Variants in SEMA5A observed in about 807,000 individuals in gnomAD.
SEMA5A encodes semaphorin-5A.
A neutral mutation model predicts 135.5 loss-of-function variants in SEMA5A; 55 were observed. The observed-to-expected ratio is 0.41, with a 90% CI of 0.33 to 0.51. The LOEUF (loss-of-function observed/expected upper bound fraction) is 0.51, where lower values mean the gene tolerates loss of function less well. SEMA5A is among the 20% of genes least tolerant of loss of function. The probability of loss-of-function intolerance (pLI) is 0.37; values close to 1 mark genes in which losing one functional copy is unlikely to be tolerated. For missense variants in SEMA5A, 1,290 were observed against 1,419.9 expected (o/e 0.91, Z 1.47); for synonymous variants, 580 against 546.5 (o/e 1.06, Z -0.85).
intron 15 of SEMA5A, 71 bp downstream of exon 15, chr5:9,118,927 G>A (rs1195780871): frequency 7.0e-6 from 11 of 1,561,336 alleles, no homozygotes; most frequent in South Asian, 1.2e-5. Flanking sequence ...CTAAAACCGC[G>A]GGGAACTCGA....
At chr5:9,070,214 T>C (rs1431435711) in intron 16 of SEMA5A, among the ~76,000 whole-genome samples, 1 of 152,000 alleles carries the variant, frequency 6.6e-6, no homozygotes, top group African/African-American at 2.4e-5. Flanking sequence ...CTACTAAAAA[T>C]ACAAAAATTA....
chr5:9,120,445 TA>T (rs1230046179), intron 14 of SEMA5A, among the ~76,000 whole-genome samples: 1 of 152,090 alleles, frequency 6.6e-6, no homozygotes, highest in Non-Finnish European at 1.5e-5. Context: ...AATGATTTAA[TA>T]AAATATGTAG....
At chr5:9,167,573 G>T (rs565799498) in intron 11 of SEMA5A, among the ~76,000 whole-genome samples, 1 of 152,188 alleles carries the variant, frequency 6.6e-6, no homozygotes, top group African/African-American at 2.4e-5. Flanking sequence ...TGCATGCTTT[G>T]CATATTCTGT....
chr5:9,130,227 T>G, intron 13 of SEMA5A, among the ~76,000 whole-genome samples: 1 of 152,330 alleles, frequency 6.6e-6, no homozygotes, highest in South Asian at 2.1e-4. Context: ...CATCTTTAGA[T>G]TCTTACTATA....
At chr5:9,076,868 T>G (rs1420269070) in intron 16 of SEMA5A, among the ~76,000 whole-genome samples, 3 of 144,006 alleles carry the variant, frequency 2.1e-5, no homozygotes, top group African/African-American at 5.1e-5. Context: ...ATTACGATCT[T>G]TGTGTGTGTG....
intron 5 of SEMA5A, among the ~76,000 whole-genome samples, chr5:9,286,945 A>G (rs181466007): frequency 6.6e-6 from 1 of 152,166 alleles, no homozygotes; most frequent in African/African-American, 2.4e-5. Context: ...CTTTGAACAC[A>G]TTTCCTTTTT....
chr5:9,251,787 A>G (rs112243580), intron 5 of SEMA5A, among the ~76,000 whole-genome samples: 125 of 152,350 alleles, frequency 8.2e-4, no homozygotes, highest in African/African-American at 2.7e-3. Context: ...GAGCACATCC[A>G]TGCTCAAGAG....
rs145598030 is a variant in SEMA5A at position 9,078,586 on chromosome 5, T to TACACACAC, written c.2074-11948_2074-11941dup. ...GACCAGAAAATTTCAGCTGGGTATGTACACACACACACACACACACACACA... is the reference window on the plus strand; with the variant it reads ...GACCAGAAAATTTCAGCTGGGTATGTACACACACACACACACACACACACACACACACA... On this transcript the variant is annotated intron_variant, in intron 16 of 22. Transcript: ENST00000382496. Among the ~76,000 whole-genome samples the TACACACAC allele has an allele frequency of 9.6e-5, 14 of 146,546 alleles. No homozygotes were observed. The East Asian group carries it at 2.8e-3, about 29-fold the overall frequency.
At chr5:9,111,809 T>C (rs1489620516) in intron 15 of SEMA5A, among the ~76,000 whole-genome samples, 2 of 152,138 alleles carry the variant, frequency 1.3e-5, no homozygotes. Flanking sequence ...TCCTACACAA[T>C]TGTGAGAAAG....
At chr5:9,352,833 T>C (rs1754188480) in intron 3 of SEMA5A, among the ~76,000 whole-genome samples, 1 of 152,150 alleles carries the variant, frequency 6.6e-6, no homozygotes, top group South Asian at 2.1e-4. Context: ...ATATGTTCTA[T>C]GGCTGGATTT....
At chr5:9,467,897 T>C (rs1015647620) in intron 1 of SEMA5A, among the ~76,000 whole-genome samples, 1 of 152,202 alleles carries the variant, frequency 6.6e-6, no homozygotes, top group Non-Finnish European at 1.5e-5. Context: ...ATAACACCAT[T>C]CGGGGCACTA....
chr5:9,210,203 A>G (rs1342285945), intron 8 of SEMA5A, among the ~76,000 whole-genome samples: 1 of 152,194 alleles, frequency 6.6e-6, no homozygotes, highest in Non-Finnish European at 1.5e-5. Flanking sequence ...ATTAAAATCT[A>G]AAGGTAGTAA....
At chr5:9,122,154 G>A (rs544405895) in intron 14 of SEMA5A, among the ~76,000 whole-genome samples, 4 of 152,068 alleles carry the variant, frequency 2.6e-5, no homozygotes, top group Non-Finnish European at 4.4e-5. Flanking sequence ...CACAGTAAGC[G>A]GAAGCAACAG....
rs113701432 is a variant in SEMA5A, at chr5:9,151,415, G to C, written c.1481+3073C>G. On this transcript the variant is annotated intron_variant, in intron 12 of 22. Transcript: ENST00000382496. The stretch of plus-strand genomic sequence containing the variant: ...CTATGATGGAAAGTATATTGGCAAA[G>C]AAATTAGTATCCAATCGTTACCCAA... Among the ~76,000 whole-genome samples, 36 of 152,316 alleles carry C rather than the reference G, an allele frequency of 2.4e-4. 1 individual carries two copies. The highest frequency in any genetic ancestry group is 8.7e-4 in the African/African-American group (36 of 41,578).
intron 1 of SEMA5A, chr5:9,516,433 C>T (rs1238535804): frequency 6.6e-6 from 1 of 152,262 alleles, no homozygotes; most frequent in African/African-American, 2.4e-5. Flanking sequence ...TCTTATTTAC[C>T]ATTTCTACAC....
At chr5:9,064,558 A>G (rs1737359048) in intron 17 of SEMA5A, among the ~76,000 whole-genome samples, 1 of 151,650 alleles carries the variant, frequency 6.6e-6, no homozygotes, top group Non-Finnish European at 1.5e-5. Context: ...AAACCCAAAC[A>G]CTGCATGTTC....
chr5:9,374,856 C>T (rs1755294606), intron 3 of SEMA5A, among the ~76,000 whole-genome samples: 1 of 151,986 alleles, frequency 6.6e-6, no homozygotes, highest in African/African-American at 2.4e-5. Flanking sequence ...CCTCCAGGCT[C>T]ACTGGAGGTG....
At chr5:9,364,697 A>G (rs1754841555) in intron 3 of SEMA5A, among the ~76,000 whole-genome samples, 1 of 152,230 alleles carries the variant, frequency 6.6e-6, no homozygotes, top group South Asian at 2.1e-4. Context: ...GAGTTATTTG[A>G]AAACATACTT....
chr5:9,112,567 G>A (rs1484569940), intron 15 of SEMA5A, among the ~76,000 whole-genome samples: 1 of 152,158 alleles, frequency 6.6e-6, no homozygotes, highest in Non-Finnish European at 1.5e-5. Context: ...AGCCATTTAG[G>A]AAGAAAAATA....
Sources: allele counts gnomAD v4.1 joint callset (sites outside exome capture counted in the v4.1 genomes callset), GRCh38; gene constraint gnomAD v4.1.1; transcripts MANE v1.5; gene names NCBI Gene and HGNC (gene_info 2026-07-23, HGNC 2026-07-21).